Variants in CPNE8 observed in about 807,000 individuals in gnomAD.
CPNE8 encodes the protein copine 8.
In CPNE8, 45 loss-of-function variants were observed where a neutral mutation model predicts 81.5. That is an observed-to-expected ratio of 0.55 (90% CI 0.44 to 0.71). The LOEUF (loss-of-function observed/expected upper bound fraction) is 0.71. CPNE8 is among the 30% of genes least tolerant of loss of function. CPNE8 has a pLI of 0.00. For missense variants in CPNE8, 594 were observed against 672.1 expected (o/e 0.88, Z 1.28); for synonymous variants, 252 against 226.3 (o/e 1.11, Z -1.02).
chr12:38,777,520 A>G (rs917623222), intron 6 of CPNE8, among the ~76,000 whole-genome samples: 8 of 152,200 alleles, frequency 5.3e-5, no homozygotes, highest in African/African-American at 1.9e-4. Flanking sequence ...TATAAAGCCT[A>G]CAGTAGTATA....
At chr12:38,766,406 C>T (rs1250359997) in intron 8 of CPNE8, among the ~76,000 whole-genome samples, 1 of 152,150 alleles carries the variant, frequency 6.6e-6, no homozygotes. Context: ...CTTCACTCTG[C>T]AACATTTTTC....
intron 1 of CPNE8, among the ~76,000 whole-genome samples, chr12:38,888,217 T>C (rs2137135895): frequency 6.6e-6 from 1 of 152,360 alleles, no homozygotes; most frequent in South Asian, 2.1e-4. Context: ...GTCTATTAGC[T>C]GTAGAATAAT....
At chr12:38,670,892 AG>A in intron 18 of CPNE8, 90 bp from the exon 19 acceptor site, 1 of 851,316 alleles carries the variant, frequency 1.2e-6, no homozygotes, top group Non-Finnish European at 1.9e-6. Context: ...TGTATGAAGT[AG>A]CAAAATGTGC....
intron 11 of CPNE8, chr12:38,726,424 C>T (rs993378966): frequency 1.3e-5 from 2 of 152,116 alleles, no homozygotes; most frequent in Non-Finnish European, 2.9e-5. Context: ...TACAGGAAAA[C>T]ATGCACCAGT....
intron 8 of CPNE8, among the ~76,000 whole-genome samples, chr12:38,765,449 C>T (rs1008867845): frequency 2.6e-5 from 4 of 152,028 alleles, no homozygotes; most frequent in Non-Finnish European, 4.4e-5. Context: ...AGTATAAGAT[C>T]ATAAGTATGA....
chr12:38,872,130 T>C, intron 3 of CPNE8, among the ~76,000 whole-genome samples: 1 of 151,896 alleles, frequency 6.6e-6, no homozygotes, highest in Admixed American at 6.6e-5. Flanking sequence ...AGTGAAACTC[T>C]GTCTCAAACA....
intron 10 of CPNE8, among the ~76,000 whole-genome samples, chr12:38,740,571 A>G (rs1156527090): frequency 2.6e-5 from 4 of 152,184 alleles, no homozygotes; most frequent in Admixed American, 6.6e-5. Flanking sequence ...ACGTCCCATC[A>G]ATACCTAATT....
intron 1 of CPNE8, among the ~76,000 whole-genome samples, chr12:38,903,784 A>C (rs1051978651): frequency 1.3e-5 from 2 of 152,204 alleles, no homozygotes; most frequent in Admixed American, 6.5e-5. Flanking sequence ...AAGGCCTAGG[A>C]ATCCTCTAAA....
At chr12:38,730,256 A>G in intron 11 of CPNE8, 27 bp downstream of exon 11, 1 of 1,356,034 alleles carries the variant, frequency 7.4e-7, no homozygotes, top group South Asian at 1.2e-5. Flanking sequence ...CTAGAAAAAA[A>G]CAATGGTAAA....
chr12:38,873,772 C>T (rs772286468), intron 2 of CPNE8, among the ~76,000 whole-genome samples: 12 of 152,100 alleles, frequency 7.9e-5, no homozygotes, highest in Admixed American at 5.2e-4. Context: ...TTACAAGATT[C>T]GGAAACACAT....
At chr12:38,741,686 C>G (rs745562173) in intron 10 of CPNE8, among the ~76,000 whole-genome samples, 34 of 152,108 alleles carry the variant, frequency 2.2e-4, no homozygotes, top group Admixed American at 2.2e-3. Flanking sequence ...CAAATGGGAT[C>G]TAAAGAGCTT....
At chr12:38,800,068 C>T (rs12425579) in intron 6 of CPNE8, among the ~76,000 whole-genome samples, 2 of 127,618 alleles carry the variant, frequency 1.6e-5, no homozygotes, top group African/African-American at 2.7e-5. Flanking sequence ...AAGGCGGCAA[C>T]GAGGCTGGGG....
At chr12:38,724,948 G>A (rs777025318) in intron 11 of CPNE8, 49 bp from the exon 12 acceptor site, 81 of 1,432,576 alleles carry the variant, frequency 5.7e-5, no homozygotes, top group Non-Finnish European at 7.5e-5. Flanking sequence ...TTATACCGAA[G>A]TTTTATATTG....
intron 14 of CPNE8, among the ~76,000 whole-genome samples, chr12:38,698,661 C>G (rs983847005): frequency 1.6e-4 from 24 of 152,148 alleles, no homozygotes; most frequent in African/African-American, 5.8e-4. Context: ...CCAGTCTTCC[C>G]CCGTTGCATT....
At chr12:38,869,364 A>G (rs1482470248) in intron 3 of CPNE8, among the ~76,000 whole-genome samples, 1 of 152,200 alleles carries the variant, frequency 6.6e-6, no homozygotes, top group African/African-American at 2.4e-5. Flanking sequence ...TACTGTTACA[A>G]GTGATTCATA....
intron 15 of CPNE8, among the ~76,000 whole-genome samples, chr12:38,689,584 G>C (rs1001747530): frequency 1.3e-5 from 2 of 152,126 alleles, no homozygotes; most frequent in Non-Finnish European, 2.9e-5. Flanking sequence ...CAGTGTTAAA[G>C]ACTCTTAGTT....
At chr12:38,779,687 A>G (rs1942005154) in intron 6 of CPNE8, among the ~76,000 whole-genome samples, 1 of 152,104 alleles carries the variant, frequency 6.6e-6, no homozygotes. Flanking sequence ...ATCTCAAAAT[A>G]TCTCACATTT....
intron 6 of CPNE8, among the ~76,000 whole-genome samples, chr12:38,807,313 A>C (rs1942832709): frequency 6.8e-6 from 1 of 147,628 alleles, no homozygotes; most frequent in Non-Finnish European, 1.5e-5. Context: ...AAGCCAAAAG[A>C]ACAAAGCTGG....
chr12:38,739,220 GTTTTAACAATATAAAT>G (rs1941031492), intron 10 of CPNE8, among the ~76,000 whole-genome samples: 1 of 152,070 alleles, frequency 6.6e-6, no homozygotes. Context: ...TATGAAAATG[GTTTTAACAATATAAAT>G]GTTCTCAAAG....
Sources: allele counts gnomAD v4.1 joint callset (sites outside exome capture counted in the v4.1 genomes callset), GRCh38; gene constraint gnomAD v4.1.1; transcripts MANE v1.5; gene names NCBI Gene and HGNC (gene_info 2026-07-23, HGNC 2026-07-21).